MSI2: variants seen among roughly 807,000 people sequenced by gnomAD.
MSI2 encodes RNA-binding protein Musashi homolog 2.
A neutral mutation model predicts 45.6 loss-of-function variants in MSI2; 17 were observed. The ratio of observed to expected loss-of-function variants is 0.37; its 90% confidence interval spans 0.26 to 0.56. The LOEUF (loss-of-function observed/expected upper bound fraction) is 0.56, where lower values mean the gene tolerates loss of function less well. Among genes scored for constraint, MSI2 ranks in the 20% least tolerant of loss-of-function variants. The pLI is 0.77. For missense variants in MSI2, 293 were observed against 444.2 expected, an observed-to-expected ratio of 0.66 and a Z score of 3.06; for synonymous variants, 156 against 158.2, an observed-to-expected ratio of 0.99 and a Z score of 0.11.
intron 5 of MSI2, among the ~76,000 whole-genome samples, chr17:57,316,013 C>T (rs1230352729): frequency 1.3e-5 from 2 of 151,882 alleles, no homozygotes; most frequent in East Asian, 1.9e-4. Flanking sequence ...TCATCATCAT[C>T]ATTATTATGG....
chr17:57,590,875 T>C (rs1250122479), intron 7 of MSI2, among the ~76,000 whole-genome samples: 1 of 152,168 alleles, frequency 6.6e-6, no homozygotes, highest in African/African-American at 2.4e-5. Flanking sequence ...GGGTCTCCTC[T>C]CCATCCTGGG....
At chr17:57,333,321 C>T (rs1157888825) in intron 5 of MSI2, among the ~76,000 whole-genome samples, 4 of 152,180 alleles carry the variant, frequency 2.6e-5, no homozygotes, top group Non-Finnish European at 5.9e-5. Context: ...TTTTTCCCCC[C>T]TGGAAAGTTC....
chr17:57,339,538 ATGATGGTC>A (rs1228753413), intron 5 of MSI2, among the ~76,000 whole-genome samples: 1 of 152,058 alleles, frequency 6.6e-6, no homozygotes, highest in Admixed American at 6.6e-5. Context: ...GCTGTCGTGG[ATGATGGTC>A]TGTGTGCAAG....
chr17:57,579,862 C>T (rs2088155370), intron 7 of MSI2, among the ~76,000 whole-genome samples: 1 of 152,178 alleles, frequency 6.6e-6, no homozygotes, highest in Admixed American at 6.5e-5. Context: ...AGCTGAGACA[C>T]AGCCAATCAG....
At chr17:57,279,051 G>A (rs1909160642) in intron 5 of MSI2, 1 of 152,158 alleles carries the variant, frequency 6.6e-6, no homozygotes, top group East Asian at 1.9e-4. Flanking sequence ...GGTGGGAAAA[G>A]CCTTAGCACT....
At chr17:57,366,039 G>A (rs910530940) in intron 5 of MSI2, among the ~76,000 whole-genome samples, 3 of 151,942 alleles carry the variant, frequency 2.0e-5, no homozygotes, top group Non-Finnish European at 4.4e-5. Flanking sequence ...TCAACCTCCC[G>A]AATAGCTGGG....
chr17:57,353,148 C>T (rs1337716189), intron 5 of MSI2, among the ~76,000 whole-genome samples: 3 of 152,182 alleles, frequency 2.0e-5, no homozygotes, highest in Non-Finnish European at 4.4e-5. Context: ...AATGCGCTCT[C>T]CTCCAGAGAA....
intron 11 of MSI2, among the ~76,000 whole-genome samples, chr17:57,656,098 A>G (rs1488545801): frequency 6.6e-6 from 1 of 152,190 alleles, no homozygotes; most frequent in Admixed American, 6.5e-5. Context: ...GGCTCGGCAC[A>G]GCACGGCCGT....
rs955831584 is a variant in MSI2, at chr17:57,471,084, G to C, written c.406-58592G>C. Reference sequence around the variant, plus strand: ...GAGCAGAGGTTGGGGACCCCATGTGGCATGTAACCCTGGGGGTGGTGGCTG... The same window carrying C: ...GAGCAGAGGTTGGGGACCCCATGTGCCATGTAACCCTGGGGGTGGTGGCTG... On this transcript the variant is annotated intron_variant, in intron 6 of 13. Coordinates refer to ENST00000284073, the MANE Select transcript of MSI2 (RefSeq NM_138962.4). Among the ~76,000 whole-genome samples, 10 of 152,234 alleles carry C rather than the reference G, an allele frequency of 6.6e-5. 1 individual carries two copies. The South Asian group carries it at 1.9e-3, about 28-fold the overall frequency.
chr17:57,699,139 A>G, the MSI2 span, among the ~76,000 whole-genome samples: 1 of 25,434 alleles, frequency 3.9e-5, no homozygotes, highest in Non-Finnish European at 6.3e-5. Flanking sequence ...TCTAATGAGG[A>G]AGAGGCGAGG....
intron 6 of MSI2, among the ~76,000 whole-genome samples, chr17:57,473,253 G>A (rs1221720917): frequency 6.6e-6 from 1 of 152,204 alleles, no homozygotes; most frequent in East Asian, 1.9e-4. Flanking sequence ...CCAGAAGCTC[G>A]GGGCTGCCTG....
intron 7 of MSI2, among the ~76,000 whole-genome samples, chr17:57,592,029 G>T (rs574481212): frequency 4.6e-5 from 7 of 151,790 alleles, no homozygotes; most frequent in African/African-American, 1.5e-4. Flanking sequence ...AAAATTAGCC[G>T]GGTGCGGTGG....
intron 6 of MSI2, chr17:57,449,854 C>T (rs60011459): frequency 0.13 from 20,407 of 152,004 alleles, 2,002 homozygotes; most frequent in African/African-American, 0.27. Context: ...GGTGAAACCC[C>T]GTCTCTACTA....
intron 5 of MSI2, chr17:57,262,536 C>T (rs909474749): frequency 1.8e-5 from 4 of 222,538 alleles, no homozygotes; most frequent in Non-Finnish European, 3.5e-5. Context: ...GTGACTCTTT[C>T]GGAGGGTACT....
At chr17:57,691,697 G>T in the MSI2 span, among the ~76,000 whole-genome samples, 1 of 152,070 alleles carries the variant, frequency 6.6e-6, no homozygotes, top group South Asian at 2.1e-4. Flanking sequence ...TTGACCTTCA[G>T]CCTTGTTAAA....
At chr17:57,389,168 G>A (rs528939720) in intron 5 of MSI2, among the ~76,000 whole-genome samples, 3 of 151,814 alleles carry the variant, frequency 2.0e-5, no homozygotes, top group African/African-American at 7.3e-5. Context: ...TAGTACAGAC[G>A]GGGTTTCACC....
chr17:57,426,849 G>T (rs76603602), intron 6 of MSI2, among the ~76,000 whole-genome samples: 5,372 of 152,298 alleles, frequency 0.035, 110 homozygotes, highest in Middle Eastern at 0.085. Context: ...AGTGTTCAGC[G>T]TTAGAGTGAA....
At chr17:57,530,897 C>T (rs948219156) in intron 7 of MSI2, among the ~76,000 whole-genome samples, 2 of 151,372 alleles carry the variant, frequency 1.3e-5, no homozygotes, top group African/African-American at 4.9e-5. Flanking sequence ...CTACAGCATC[C>T]TCAGAATGGG....
At chr17:57,271,816 T>C (rs1041471518) in intron 5 of MSI2, among the ~76,000 whole-genome samples, 1 of 150,366 alleles carries the variant, frequency 6.7e-6, no homozygotes, top group Non-Finnish European at 1.5e-5. Flanking sequence ...GTGTGTGTAG[T>C]GATGTTGAAT....
Sources: allele counts gnomAD v4.1 joint callset (sites outside exome capture counted in the v4.1 genomes callset), GRCh38; gene constraint gnomAD v4.1.1; transcripts MANE v1.5; gene names NCBI Gene and HGNC (gene_info 2026-07-23, HGNC 2026-07-21).